DLG2: variants seen among roughly 807,000 people sequenced by gnomAD.
DLG2 encodes the protein disks large homolog 2.
Under a neutral mutation model 132.5 loss-of-function variants are expected in DLG2, and 45 were observed. That is an observed-to-expected ratio of 0.34 (90% CI 0.27 to 0.44). DLG2 has a LOEUF of 0.44. DLG2 is among the 20% of genes least tolerant of loss of function. DLG2 has a pLI of 1.00. For synonymous variants in DLG2, 424 were observed against 419.6 expected, an observed-to-expected ratio of 1.01 and a Z score of -0.13; for missense variants, 1,045 against 1,196.9, an observed-to-expected ratio of 0.87 and a Z score of 1.87.
intron 3 of DLG2, among the ~76,000 whole-genome samples, chr11:85,385,033 T>C (rs1407428885): frequency 6.6e-6 from 1 of 152,224 alleles, no homozygotes; most frequent in Non-Finnish European, 1.5e-5. Flanking sequence ...TTTATACTTT[T>C]TTCCCCTGTG....
chr11:85,118,225 T>C (rs1184024017), intron 5 of DLG2, among the ~76,000 whole-genome samples: 2 of 152,090 alleles, frequency 1.3e-5, no homozygotes, highest in Admixed American at 6.6e-5. Context: ...TGGGGAGTCA[T>C]GAATTTGCCT....
chr11:85,625,617 T>C (rs200420534), intron 2 of DLG2, among the ~76,000 whole-genome samples: 1 of 152,210 alleles, frequency 6.6e-6, no homozygotes, highest in Non-Finnish European at 1.5e-5. Flanking sequence ...TTAAACACCA[T>C]GCAGAGATAA....
chr11:84,589,335 T>C (rs2099537408), intron 6 of DLG2, among the ~76,000 whole-genome samples: 1 of 152,090 alleles, frequency 6.6e-6, no homozygotes, highest in Non-Finnish European at 1.5e-5. Context: ...ACCCTAAGTG[T>C]ATCAGAAAAG....
intron 4 of DLG2, among the ~76,000 whole-genome samples, chr11:85,160,305 G>A (rs1486332563): frequency 6.6e-6 from 1 of 152,194 alleles, no homozygotes; most frequent in Non-Finnish European, 1.5e-5. Context: ...TGCGCCATAT[G>A]ACCCAGCAGA....
chr11:85,278,505 C>A (rs185777330), intron 4 of DLG2, among the ~76,000 whole-genome samples: 1 of 151,824 alleles, frequency 6.6e-6, no homozygotes, highest in African/African-American at 2.4e-5. Context: ...GAGGCTGAGG[C>A]GGGAGAATCG....
At chr11:84,670,429 T>C (rs1430584936) in intron 6 of DLG2, among the ~76,000 whole-genome samples, 1 of 152,154 alleles carries the variant, frequency 6.6e-6, no homozygotes, top group East Asian at 1.9e-4. Flanking sequence ...AGTGATATGT[T>C]GCCTCTGCCC....
chr11:85,039,529 A>T (rs2061675088), intron 6 of DLG2, among the ~76,000 whole-genome samples: 1 of 151,960 alleles, frequency 6.6e-6, no homozygotes. Flanking sequence ...CTGTACAAGG[A>T]GGATATTAAT....
At chr11:84,023,723 G>A (rs1037020758) in intron 11 of DLG2, among the ~76,000 whole-genome samples, 3 of 151,964 alleles carry the variant, frequency 2.0e-5, no homozygotes, top group African/African-American at 7.2e-5. Context: ...TATAAAGTTA[G>A]GTATGTCATA....
At chr11:83,967,004 T>C (rs1421083747) in intron 12 of DLG2, among the ~76,000 whole-genome samples, 1 of 152,102 alleles carries the variant, frequency 6.6e-6, no homozygotes, top group Non-Finnish European at 1.5e-5. Flanking sequence ...TTCCTTCTGT[T>C]CTGGCTTACT....
At chr11:84,483,101 AATAC>A (rs2154493855) in intron 7 of DLG2, among the ~76,000 whole-genome samples, 1 of 152,276 alleles carries the variant, frequency 6.6e-6, no homozygotes, top group South Asian at 2.1e-4. Flanking sequence ...TTCATTAAGG[AATAC>A]ATAAAGAACG....
rs374465967 is a variant in DLG2 at position 84,551,053 on chromosome 11, G to A, written c.358-16322C>T. On this transcript the variant is annotated intron_variant, in intron 6 of 27. Coordinates refer to ENST00000376104, the MANE Select transcript of DLG2 (RefSeq NM_001142699.3). ...GATCTATCCAGCTGCCTTTGTTTTA[G>A]AGCACCTCATAATGAGCTGGTGTCA... Among the ~76,000 whole-genome samples the A allele has an allele frequency of 9.2e-5, 14 of 152,230 alleles. No homozygotes were observed. The East Asian group carries it at 2.7e-3, about 29-fold the overall frequency.
intron 7 of DLG2, among the ~76,000 whole-genome samples, chr11:84,284,366 C>T (rs1285669807): frequency 1.3e-5 from 2 of 152,196 alleles, no homozygotes; most frequent in African/African-American, 4.8e-5. Context: ...ATTATATGAC[C>T]TGTGGTGTAT....
intron 3 of DLG2, among the ~76,000 whole-genome samples, chr11:85,425,684 G>A (rs958951476): frequency 7.9e-5 from 12 of 152,138 alleles, no homozygotes; most frequent in Non-Finnish European, 1.8e-4. Flanking sequence ...AATAGGAACA[G>A]CTCCACTCTA....
At chr11:84,719,322 A>G (rs942206508) in intron 6 of DLG2, among the ~76,000 whole-genome samples, 3 of 152,218 alleles carry the variant, frequency 2.0e-5, no homozygotes, top group African/African-American at 7.2e-5. Context: ...GTCAAACTTC[A>G]GTTATTTCAG....
intron 16 of DLG2, among the ~76,000 whole-genome samples, chr11:83,870,997 A>G (rs12364183): frequency 0.3 from 46,364 of 152,014 alleles, 7,740 homozygotes; most frequent in African/African-American, 0.42. Context: ...TCAAAGGCTG[A>G]GATTACTTTG....
In DLG2 at chr11:83,975,705, G is replaced by A. The variant is rs569450658; in HGVS notation, c.1056+4801C>T. ...ATGTGATAAAATTTACTGGAAGAGAGAGAAAAGGTCTAAAACATCCTAAAA... is the reference window on the plus strand; with the variant it reads ...ATGTGATAAAATTTACTGGAAGAGAAAGAAAAGGTCTAAAACATCCTAAAA... On this transcript the variant is annotated intron_variant, in intron 12 of 27. Coordinates refer to ENST00000376104, the MANE Select transcript of DLG2 (RefSeq NM_001142699.3). Among the ~76,000 whole-genome samples, 4 of 152,040 alleles carry A rather than the reference G, an allele frequency of 2.6e-5. No individual in the cohort carries two copies. In the South Asian group the frequency reaches 8.3e-4, roughly 31 times the overall value.
chr11:84,212,151 T>G (rs1365857772), intron 8 of DLG2, among the ~76,000 whole-genome samples: 3 of 152,334 alleles, frequency 2.0e-5, no homozygotes, highest in South Asian at 2.1e-4. Flanking sequence ...AGTTAAGAGA[T>G]AATTTTTATC....
intron 9 of DLG2, among the ~76,000 whole-genome samples, chr11:84,110,125 T>G (rs2093256570): frequency 6.6e-6 from 1 of 152,090 alleles, no homozygotes; most frequent in Non-Finnish European, 1.5e-5. Flanking sequence ...CCAATGCCTA[T>G]GAAGGCAGAA....
intron 7 of DLG2, among the ~76,000 whole-genome samples, chr11:84,304,610 GCACAAAAAC>G (rs2098194762): frequency 2.0e-5 from 3 of 152,160 alleles, no homozygotes; most frequent in African/African-American, 7.2e-5. Context: ...TGCCATTGCA[GCACAAAAAC>G]AGCTACAGAC....
Sources: gnomAD v4.1 joint callset for allele counts (sites outside exome capture counted in the v4.1 genomes callset) on GRCh38, gnomAD v4.1.1 for gene constraint, MANE v1.5 for transcripts, NCBI Gene and HGNC (gene_info 2026-07-23, HGNC 2026-07-21) for gene names.